The following ARHGAP36 variants were observed in gnomAD, a reference collection of about 807,000 sequenced individuals.
ARHGAP36 encodes Rho GTPase activating protein 36.
ARHGAP36 carries 7 observed loss-of-function variants against 32.9 expected under a neutral mutation model. The ratio of observed to expected loss-of-function variants is 0.21; its 90% CI spans 0.12 to 0.40. The LOEUF is 0.40. Among genes scored for constraint, ARHGAP36 ranks in the 10% least tolerant of loss-of-function variants. The pLI, the probability that ARHGAP36 is intolerant of heterozygous loss-of-function variation, is 1.00. For missense variants in ARHGAP36, 383 were observed against 442.2 expected (o/e 0.87, Z 1.20); for synonymous variants, 165 against 168.3 (o/e 0.98, Z 0.15).
At chrX:131,060,671 T>A (rs975440666) in intron 1 of ARHGAP36, among the ~76,000 whole-genome samples, 3 of 112,423 alleles carry the variant, frequency 2.7e-5, no homozygotes, top group African/African-American at 9.7e-5. Flanking sequence ...GCATTTCTAG[T>A]CTGGTGGTAC....
chrX:131,065,798 T>TC (rs1200173029), intron 1 of ARHGAP36, among the ~76,000 whole-genome samples: 1 of 111,982 alleles, frequency 8.9e-6, no homozygotes, highest in Non-Finnish European at 1.9e-5. Flanking sequence ...CTGCTTTTCA[T>TC]CCACGCACCA....
At chrX:131,077,228 A>T (rs776353035) in intron 1 of ARHGAP36, among the ~76,000 whole-genome samples, 3 of 112,307 alleles carry the variant, frequency 2.7e-5, no homozygotes, top group Non-Finnish European at 5.6e-5. Context: ...GGATGTCTTT[A>T]TCCATTGCCG....
intron 7 of ARHGAP36, 66 bp from the exon 8 acceptor site, chrX:131,085,522 C>T (rs1466023857): frequency 2.3e-5 from 26 of 1,128,814 alleles, no homozygotes; most frequent in African/African-American, 1.8e-5. Flanking sequence ...AGAATCTCAC[C>T]TCCCTTGGTA....
chrX:131,081,817 C>G lies in ARHGAP36; in HGVS notation c.152C>G (p.Ser51Trp). The G allele has an allele frequency of 8.3e-7, 1 of 1,211,994 alleles. No homozygotes were observed. The highest frequency in any genetic ancestry group is 1.1e-6 in the Non-Finnish European group (1 of 895,583). ...CCCGACCGCAGGACGAAGATGGTAT[C>G]GATACACAGCCTCTCTGAGCTGGAG... ...HNPDRRTKMV[S>W]IHSLSELERL... is the part of the protein sequence containing the mutation. Residue 51 changes from serine to tryptophan, a missense_variant, in exon 2 of 12, where the codon TCG becomes TGG. By Grantham distance (177) the Ser-to-Trp change is radical. Transcript: ENST00000276211.
chrX:131,059,487 G>A (rs946083374), intron 1 of ARHGAP36, among the ~76,000 whole-genome samples: 2 of 111,062 alleles, frequency 1.8e-5, no homozygotes, highest in Non-Finnish European at 3.8e-5. Flanking sequence ...CTTCACAGGC[G>A]GGGGAGGGGA....
At chrX:131,085,399 G>A (rs112788734) in intron 7 of ARHGAP36, among the ~76,000 whole-genome samples, 189 bp from the exon 8 acceptor site, 692 of 108,794 alleles carry the variant, frequency 6.4e-3, no homozygotes, top group South Asian at 0.011. Context: ...GAGGAGGTCT[G>A]GTTTTTATGG....
intron 1 of ARHGAP36, among the ~76,000 whole-genome samples, chrX:131,071,888 A>G (rs2079734699): frequency 9.0e-6 from 1 of 111,490 alleles, no homozygotes; most frequent in Admixed American, 9.5e-5. Context: ...AGAGAATTCA[A>G]TTGGGGGGGG....
At chrX:131,076,968 C>G (rs28605856) in intron 1 of ARHGAP36, among the ~76,000 whole-genome samples, 119 of 112,356 alleles carry the variant, frequency 1.1e-3, no homozygotes, top group Middle Eastern at 4.6e-3. Flanking sequence ...TGGGCTGACT[C>G]AATGTATTGA....
intron 2 of ARHGAP36, among the ~76,000 whole-genome samples, chrX:131,082,387 G>C (rs902220671): frequency 4.4e-5 from 5 of 112,794 alleles, no homozygotes; most frequent in African/African-American, 1.6e-4. Context: ...ACGGGAGGGC[G>C]GTGCGGGCGC....
rs1349039453 is a variant in ARHGAP36, at chrX:131,084,923, G to C, written c.814G>C (p.Glu272Gln). Reference protein sequence around the residue: ...SVQRVRQLREEFDQGLDVVLD... With the variant: ...SVQRVRQLREQFDQGLDVVLD... The stretch of plus-strand genomic sequence containing the variant: ...CTTCTCCTTTTCCTAGCTCCGTGAA[G>C]AATTTGATCAAGGTCTGGATGTAGT... The change falls in exon 7 of 12, where the codon GAA (glutamate) becomes CAA (glutamine). Residue 272 changes from glutamate (E) to glutamine (Q), a missense_variant. By Grantham distance (29) the Glu-to-Gln change is conservative. Transcript: ENST00000276211. The C allele has an allele frequency of 8.3e-7, 1 of 1,211,787 alleles. No individual in the cohort carries two copies. The highest frequency in any genetic ancestry group is 1.1e-6 in the Non-Finnish European group (1 of 895,509).
intron 1 of ARHGAP36, among the ~76,000 whole-genome samples, chrX:131,068,520 G>C (rs1033330648): frequency 9.0e-6 from 1 of 111,593 alleles, no homozygotes; most frequent in Admixed American, 9.4e-5. Flanking sequence ...CTGGCGCGAG[G>C]TCTCCGCGGG....
At chrX:131,085,177 C>T in intron 7 of ARHGAP36, 113 bp downstream of exon 7, 2 of 762,088 alleles carry the variant, frequency 2.6e-6, no homozygotes, top group Non-Finnish European at 3.5e-6. Flanking sequence ...GGCAAAATGA[C>T]CATAAGAAGA....
At position 131,085,500 on chromosome X, in the gene ARHGAP36, C is replaced by G. The variant is rs1003849906; in HGVS notation, c.956-88C>G. 33 of 1,068,225 alleles carry G rather than the reference C, an allele frequency of 3.1e-5. No individual in the cohort carries two copies. In the African/African-American group the frequency reaches 5.9e-4, roughly 19 times the overall value. The allele number at this position is 1,068,225 out of a possible 1,213,427, so 88.0% of individuals were successfully genotyped here. A position where few individuals can be genotyped will look rare whatever the true frequency, so the allele number is the denominator to read the frequency against. ...TGGGTACTTTCTCCATAACTGCCAG[C>G]AAGTTTCAAGCAGAATCTCACCTCC... On this transcript the variant is annotated intron_variant, in intron 7 of 11. Coordinates refer to ENST00000276211, the MANE Select transcript of ARHGAP36 (RefSeq NM_144967.4).
chrX:131,081,527 A>T lies in ARHGAP36; in HGVS notation c.-139A>T. ...GGATTTTTTTTTTCTTTTTTAGCAA[A>T]AACAACCAGAGGCTGCTCTGCTTGA... On this transcript the variant is annotated 5_prime_UTR_variant, in exon 2 of 12. Transcript: ENST00000276211. 9.4e-7 allele frequency: 1 copy of T among 1,059,452 alleles called. No individual in the cohort carries two copies. Among genetic ancestry groups the T allele is most frequent in the Non-Finnish European group, 1.2e-6 (1 of 826,029 alleles). The allele number at this position is 1,059,452 out of a possible 1,213,427, so 87.3% of individuals were successfully genotyped here. A position where few individuals can be genotyped will look rare whatever the true frequency, so the allele number is the denominator to read the frequency against.
intron 5 of ARHGAP36, 41 bp from the exon 6 acceptor site, chrX:131,084,585 G>A (rs1355271365): frequency 8.3e-7 from 1 of 1,203,577 alleles, no homozygotes; most frequent in Admixed American, 2.2e-5. Context: ...CATGGGAAAG[G>A]GATTCAGAGA....
intron 1 of ARHGAP36, among the ~76,000 whole-genome samples, chrX:131,079,488 G>A (rs1418730946): frequency 1.8e-5 from 2 of 111,043 alleles, no homozygotes; most frequent in Non-Finnish European, 3.8e-5. Context: ...ACTAAGGGAA[G>A]TAGGCAAAAG....
intron 1 of ARHGAP36, among the ~76,000 whole-genome samples, chrX:131,067,372 C>T (rs992495427): frequency 8.8e-6 from 1 of 113,515 alleles, no homozygotes; most frequent in African/African-American, 3.2e-5. Flanking sequence ...GCCCTAGGCG[C>T]CCTACCTGGC....
chrX:131,083,637 G>A (rs1433538780), intron 3 of ARHGAP36, 97 bp from the exon 4 acceptor site: 25 of 865,784 alleles, frequency 2.9e-5, no homozygotes, highest in Non-Finnish European at 4.1e-5. Context: ...GTTGGCTGCG[G>A]GTGGTTGCTG....
intron 1 of ARHGAP36, among the ~76,000 whole-genome samples, chrX:131,059,217 T>C (rs2079656128): frequency 8.9e-6 from 1 of 112,250 alleles, no homozygotes; most frequent in Non-Finnish European, 1.9e-5. Context: ...TTCTACAAAG[T>C]ACATTTTGAC....
Sources: allele counts gnomAD v4.1 joint callset (sites outside exome capture counted in the v4.1 genomes callset), GRCh38; gene constraint gnomAD v4.1.1; transcripts MANE v1.5; gene names NCBI Gene and HGNC (gene_info 2026-07-23, HGNC 2026-07-21).